The following ADAMTS10 variants were observed in gnomAD, a reference collection of about 807,000 sequenced individuals.
ADAMTS10 encodes A disintegrin and metalloproteinase with thrombospondin motifs 10.
Under a neutral mutation model 135.9 loss-of-function variants are expected in ADAMTS10, and 48 were observed. The observed-to-expected ratio is 0.35, with a 90% CI of 0.28 to 0.45. ADAMTS10 has a LOEUF of 0.45. ADAMTS10 is among the 20% of genes least tolerant of loss of function. The pLI, the probability that ADAMTS10 is intolerant of heterozygous loss-of-function variation, is 1.00. For missense variants in ADAMTS10, 1,131 were observed against 1,565.2 expected (o/e 0.72, Z 4.68); for synonymous variants, 621 against 647.5 (o/e 0.96, Z 0.62).
chr19:8,599,273 T>C (rs1391008548), intron 6 of ADAMTS10, among the ~76,000 whole-genome samples: 2 of 152,082 alleles, frequency 1.3e-5, no homozygotes, highest in African/African-American at 4.8e-5. Flanking sequence ...TGAATACGGA[T>C]GTGTGCCTGT....
rs142032130 is a variant in ADAMTS10 at position 8,600,740 on chromosome 19, T to C, written c.810+188A>G. 9.7e-3 allele frequency among the ~76,000 whole-genome samples: 1,472 copies of C among 152,062 alleles called. 21 individuals are homozygous for C. Among genetic ancestry groups the C allele is most frequent in the African/African-American group, 0.032 (1,322 of 41,494 alleles). On this transcript the variant is annotated intron_variant, in intron 6 of 25. Transcript: ENST00000597188. ...GTCTCCATCTCCTGACCTTGTGATC[T>C]GCCCGCCTTGGCCTCCCGAAGTGCT...
rs1555736621 is a variant in ADAMTS10, at chr19:8,585,233, G to A, written c.2941C>T (p.Pro981Ser). The part of the protein sequence containing the change: ...CKSADHRATL[P>S]PAHCSPAAKP... ...GCGGCGGGTGAGCAGTGCGCCGGGGGCAGCGTGGCGCGGTGGTCTGCGCTC... is the reference window on the plus strand; with the variant it reads ...GCGGCGGGTGAGCAGTGCGCCGGGGACAGCGTGGCGCGGTGGTCTGCGCTC... Residue 981 changes from proline to serine, a missense_variant, in exon 24 of 26, where the codon CCC (proline) becomes TCC (serine). Pro to Ser is a moderately conservative substitution (Grantham distance 74, BLOSUM62 -1). This residue lies in a region of ADAMTS10 where 745 missense variants were observed against 1,056.3 expected (regional missense o/e 0.71). Transcript: ENST00000597188. 1 of 1,460,392 alleles carries A rather than the reference G, an allele frequency of 6.8e-7. No homozygotes were observed. Among genetic ancestry groups the A allele is most frequent in the Non-Finnish European group, 9.0e-7 (1 of 1,105,154 alleles). The allele number at this position is 1,460,392 out of a possible 1,614,324, so 90.5% of individuals were successfully genotyped here.
At chr19:8,597,622 T>C (rs114026971) in intron 6 of ADAMTS10, among the ~76,000 whole-genome samples, 1 of 149,980 alleles carries the variant, frequency 6.7e-6, no homozygotes, top group African/African-American at 2.5e-5. Context: ...GAATAGGTAA[T>C]ATTTGCTGTT....
intron 6 of ADAMTS10, 129 bp downstream of exon 6, chr19:8,600,799 G>A: frequency 2.4e-6 from 3 of 1,242,414 alleles, no homozygotes; most frequent in Non-Finnish European, 3.5e-6. Flanking sequence ...CGCCCGGCCT[G>A]CAACCTTCCT....
Position 8,596,098 on chromosome 19 carries a change from G to A in ADAMTS10, c.1312C>T (p.Arg438Cys), listed in dbSNP as rs2146080337. 2.5e-6 allele frequency: 4 copies of A among 1,614,208 alleles called. No homozygotes were observed. The highest frequency in any genetic ancestry group is 2.2e-5 in the East Asian group (1 of 44,878). The change falls in exon 11 of 26, where the codon CGT (arginine) becomes TGT (cysteine). Residue 438 changes from arginine (R) to cysteine (C), a missense_variant. Around this residue, in one of 3 missense-constraint regions of ADAMTS10, gnomAD observed 745 missense variants for 1,056.3 expected, o/e 0.71. Coordinates refer to ENST00000597188, the MANE Select transcript of ADAMTS10 (RefSeq NM_030957.4). This position sits in a 1 kb window ranked among gnomAD's most constrained non-coding sequence, Gnocchi z 7.2. ...TNPFVWSSCSRDYITSFLDSG... is the reference protein window; with the variant it reads ...TNPFVWSSCSCDYITSFLDSG... Reference sequence around the variant, plus strand: ...TCTAGAAAGCTGGTGATGTAGTCACGGCTGCAGGATGACCACACGAATGGG... The same window carrying A: ...TCTAGAAAGCTGGTGATGTAGTCACAGCTGCAGGATGACCACACGAATGGG...
intron 6 of ADAMTS10, among the ~76,000 whole-genome samples, chr19:8,598,336 G>A (rs1377428690): frequency 8.6e-5 from 13 of 151,606 alleles, no homozygotes; most frequent in Admixed American, 7.9e-4. Flanking sequence ...TTTGTCCAGA[G>A]GCGACCTGAG....
intron 1 of ADAMTS10, among the ~76,000 whole-genome samples, chr19:8,609,566 G>C (rs116388336): frequency 6.6e-6 from 1 of 152,104 alleles, no homozygotes; most frequent in Non-Finnish European, 1.5e-5. Context: ...ACATCTGGCC[G>C]GGCCGGCAGG....
Position 8,605,562 on chromosome 19 carries a change from G to C in ADAMTS10, c.88+61C>G. The C allele has an allele frequency of 6.4e-7, 1 of 1,569,836 alleles. No homozygotes were observed. The highest frequency in any genetic ancestry group is 1.2e-5 in the South Asian group (1 of 86,628). ...CCCCCTGATGCCTCTTTCTGTTGGA[G>C]CCCAACTGGTCTCTTACATTTTTCG... On this transcript the variant is annotated intron_variant, in intron 3 of 25. Coordinates refer to ENST00000597188, the MANE Select transcript of ADAMTS10 (RefSeq NM_030957.4). The surrounding 1 kb of genome is among the most constrained non-coding windows in gnomAD (Gnocchi z 7.7).
In ADAMTS10 at chr19:8,580,677, T is replaced by C; in HGVS notation, c.*216A>G. 3 of 552,114 alleles carry C rather than the reference T, an allele frequency of 5.4e-6. No homozygotes were observed. Among genetic ancestry groups the C allele is most frequent in the Non-Finnish European group, 6.5e-6 (2 of 306,988 alleles). 34.2% of individuals were successfully genotyped at this position (552,114 alleles called of 1,614,324 possible). On this transcript the variant is annotated 3_prime_UTR_variant, in exon 26 of 26. Transcript: ENST00000597188. ...GGAGGGGGGGTCTCACTATGTGAAC[T>C]GGAAGGGGCGGATGCTGAAGAGGGG...
chr19:8,586,695 G>C lies in ADAMTS10; in HGVS notation c.2266C>G (p.Leu756Val), dbSNP rs1555737335. The change falls in exon 20 of 26, where the codon CTG (leucine) becomes GTG (valine). Residue 756 changes from leucine to valine, a missense_variant. Around this residue, in one of 3 missense-constraint regions of ADAMTS10, gnomAD observed 745 missense variants for 1,056.3 expected, o/e 0.71. Transcript: ENST00000597188. The stretch of plus-strand genomic sequence containing the variant: ...GGGGTCCCAGGCAGCCCCTCCAGCA[G>C]CAGGGACTCCTGGTCTCCCTTCAGG... ...LALKGDQESL[L>V]LEGLPGTPQP... 2.5e-6 allele frequency: 4 copies of C among 1,613,310 alleles called. No homozygotes were observed. In the South Asian group the frequency reaches 3.3e-5, roughly 13 times the overall value.
rs2042404476 is a variant in ADAMTS10 at position 8,584,994 on chromosome 19, C to G, written c.3103G>C (p.Gly1035Arg). 6.5e-7 allele frequency: 1 copy of G among 1,543,454 alleles called. No homozygotes were observed. The highest frequency in any genetic ancestry group is 8.7e-7 in the Non-Finnish European group (1 of 1,145,540). ...QRSVRCTSHT[G>R]QASHECTEAL... The stretch of plus-strand genomic sequence containing the variant: ...TCCGTGCACTCGTGCGACGCCTGGC[C>G]CGTGTGGCTGGTGCAGCGCACCGAG... Residue 1035 changes from glycine to arginine, a missense_variant, in exon 25 of 26, where the codon GGC (glycine) becomes CGC (arginine). Gly to Arg is a moderately radical substitution (Grantham distance 125). Around this residue, in one of 3 missense-constraint regions of ADAMTS10, gnomAD observed 745 missense variants for 1,056.3 expected, o/e 0.71. Coordinates refer to ENST00000597188, the MANE Select transcript of ADAMTS10 (RefSeq NM_030957.4).
Position 8,596,151 on chromosome 19 carries a change from A to G in ADAMTS10, c.1259T>C (p.Met420Thr). 1 of 1,614,206 alleles carries G rather than the reference A, an allele frequency of 6.2e-7. No homozygotes were observed. Among genetic ancestry groups the G allele is most frequent in the Non-Finnish European group, 8.5e-7 (1 of 1,180,034 alleles). ...GGTCTTCATGGTAATGTGGGCAGCC[A>G]TGAGCTTGGCTGGGTCCTGACCACG... is the stretch of plus-strand genomic sequence containing the variant. Reference protein sequence around the residue: ...GARGQDPAKLMAAHITMKTNP... With the variant: ...GARGQDPAKLTAAHITMKTNP... Residue 420 changes from methionine (M) to threonine (T), a missense_variant, in exon 11 of 26, where the codon ATG becomes ACG. Met to Thr is a moderately conservative substitution (Grantham distance 81). Transcript: ENST00000597188. The surrounding 1 kb of genome is among the most constrained non-coding windows in gnomAD (Gnocchi z 7.2).
chr19:8,599,924 TC>T (rs1555741061), intron 6 of ADAMTS10, among the ~76,000 whole-genome samples: 1 of 151,862 alleles, frequency 6.6e-6, no homozygotes, highest in Admixed American at 6.6e-5. Context: ...AACCTCCACC[TC>T]CCTGGTTCAA....
chr19:8,585,604 C>G lies in ADAMTS10; in HGVS notation c.2717G>C (p.Ser906Thr), dbSNP rs2146040200. ...CSRSCDAGVR[S>T]RSVVCQRRVS... ...GCGGCGCTGGCACACGACCGAGCGG[C>G]TGCGCACGCCTGCATCGCAGCTGCG... The change falls in exon 23 of 26, where the codon AGC becomes ACC. Residue 906 changes from serine to threonine, a missense_variant. This residue lies in a region of ADAMTS10 where 745 missense variants were observed against 1,056.3 expected (regional missense o/e 0.71). Coordinates refer to ENST00000597188, the MANE Select transcript of ADAMTS10 (RefSeq NM_030957.4). 6.2e-7 allele frequency: 1 copy of G among 1,611,028 alleles called. No homozygotes were observed. The highest frequency in any genetic ancestry group is 1.7e-4 in the Middle Eastern group (1 of 6,032).
intron 5 of ADAMTS10, among the ~76,000 whole-genome samples, chr19:8,603,526 G>A (rs564481931): frequency 4.6e-5 from 7 of 152,052 alleles, no homozygotes; most frequent in East Asian, 3.9e-4. Flanking sequence ...CGCCCACCTC[G>A]GCCTCCCAAG....
Position 8,608,134 on chromosome 19 carries a change from C to CA in ADAMTS10, c.-101_-100insT, listed in dbSNP as rs1208069151. The CA allele has an allele frequency of 6.6e-6, 1 of 152,298 alleles. No homozygotes were observed. The allele number at this position is 152,298 out of a possible 1,614,324, so 9.4% of individuals were successfully genotyped here. On this transcript the variant is annotated splice_region_variant and 5_prime_UTR_variant, in exon 2 of 26. It adds an upstream start codon to the 5' untranslated region. Coordinates refer to ENST00000597188, the MANE Select transcript of ADAMTS10 (RefSeq NM_030957.4). ...TCTCTCTCCTTTTTATTTTTTTTAC[C>CA]TTTTGGGGGCTTCGGTTGGTGGAGT... is the stretch of plus-strand genomic sequence containing the variant.
chr19:8,582,906 T>A (rs529635920), intron 25 of ADAMTS10, among the ~76,000 whole-genome samples: 90 of 152,310 alleles, frequency 5.9e-4, no homozygotes, highest in African/African-American at 2.1e-3. Flanking sequence ...CACCTTGGCC[T>A]CCCATTGTGT....
intron 2 of ADAMTS10, among the ~76,000 whole-genome samples, chr19:8,607,893 C>G (rs538375637): frequency 2.4e-5 from 1 of 41,454 alleles, no homozygotes; most frequent in Non-Finnish European, 9.7e-5. Flanking sequence ...TCACTGCAAC[C>G]TCTGTCTCTC....
rs534096823 is a variant in ADAMTS10, at chr19:8,604,784, C to A, written c.435+228G>T. Among the ~76,000 whole-genome samples, 8 of 152,218 alleles carry A rather than the reference C, an allele frequency of 5.3e-5. No individual in the cohort carries two copies. The East Asian group carries it at 1.5e-3, about 29-fold the overall frequency. ...TACAGGCATAAGTCACCATGCCCAG[C>A]CTCGAATTTTTTGAGATTGATGTTT... is the stretch of plus-strand genomic sequence containing the variant. On this transcript the variant is annotated intron_variant, in intron 4 of 25. Coordinates refer to ENST00000597188, the MANE Select transcript of ADAMTS10 (RefSeq NM_030957.4).
Sources: allele counts gnomAD v4.1 joint callset (sites outside exome capture counted in the v4.1 genomes callset), GRCh38; gene constraint gnomAD v4.1.1; regional missense constraint gnomAD v4.1.1; non-coding constraint Gnocchi (gnomAD v3.1); transcripts MANE v1.5; gene names NCBI Gene and HGNC (gene_info 2026-07-23, HGNC 2026-07-21).